The following DYM variants were observed in gnomAD, a reference collection of about 807,000 sequenced individuals.
DYM encodes dymeclin.
A neutral mutation model predicts 93.1 loss-of-function variants in DYM; 78 were observed. That is an observed-to-expected ratio of 0.84 (90% confidence interval 0.70 to 1.01). DYM has a LOEUF of 1.01. Among genes scored for constraint, DYM ranks in the 50% least tolerant of loss-of-function variants. DYM has a pLI of 0.00. For missense variants in DYM, 789 were observed against 845.0 expected (o/e 0.93, Z 0.82); for synonymous variants, 321 against 319.7 (o/e 1.00, Z -0.04).
intron 6 of DYM, among the ~76,000 whole-genome samples, chr18:49,342,244 G>A (rs539314801): frequency 9.9e-4 from 151 of 152,232 alleles, no homozygotes; most frequent in African/African-American, 3.3e-3. Flanking sequence ...TTCCATCTTC[G>A]AAGGAAGCAA....
Position 49,385,693 on chromosome 18 carries a change from C to A in DYM, c.193+5900G>T, listed in dbSNP as rs373542974. 6.5e-4 allele frequency among the ~76,000 whole-genome samples: 96 copies of A among 146,976 alleles called. 3 individuals carry two copies. The highest frequency in any genetic ancestry group is 2.3e-3 in the African/African-American group (91 of 40,264). On this transcript the variant is annotated intron_variant, in intron 3 of 17. Transcript: ENST00000675505. Reference sequence around the variant, plus strand: ...CTGGGCAACAAGAGCAAAACTCTGTCTCAAAAAAAAAAAGAAATCTGATCC... The same window carrying A: ...CTGGGCAACAAGAGCAAAACTCTGTATCAAAAAAAAAAAGAAATCTGATCC...
At position 49,331,907 on chromosome 18, in the gene DYM, C is replaced by A; in HGVS notation, c.720G>T (p.Ser240=). The change falls in exon 8 of 18, where the codon TCG becomes TCT. Residue 240 remains serine, a synonymous_variant. Transcript: ENST00000675505. ...PPGAHVFPQQ[S]DGGGLLYGLA... ...GTCCATAAAGCAGTCCTCCCCCATC[C>A]GACTGCTGAGGGAAAACATGGGCCC... 3 of 1,614,042 alleles carry A rather than the reference C, an allele frequency of 1.9e-6. No individual in the cohort carries two copies. Among genetic ancestry groups the A allele is most frequent in the Non-Finnish European group, 2.5e-6 (3 of 1,179,976 alleles).
intron 13 of DYM, among the ~76,000 whole-genome samples, chr18:49,240,945 C>T (rs968513837): frequency 1.3e-5 from 2 of 152,162 alleles, no homozygotes; most frequent in Non-Finnish European, 2.9e-5. Context: ...TTTTATTTTA[C>T]CACAAATGTG....
chr18:49,432,329 CA>C (rs11429840), intron 1 of DYM, among the ~76,000 whole-genome samples: 7,294 of 75,784 alleles, frequency 0.096, 177 homozygotes, highest in African/African-American at 0.17. Context: ...AAGACTGTCT[CA>C]AAAAAAAAAA....
At chr18:49,426,399 G>T (rs1165194191) in intron 2 of DYM, among the ~76,000 whole-genome samples, 1 of 105,228 alleles carries the variant, frequency 9.5e-6, no homozygotes, top group African/African-American at 3.7e-5. Flanking sequence ...CCTGTTGTGG[G>T]GTGGGGGGAG....
chr18:49,445,009 C>T (rs1442635375), intron 1 of DYM, among the ~76,000 whole-genome samples: 1 of 152,092 alleles, frequency 6.6e-6, no homozygotes, highest in Non-Finnish European at 1.5e-5. Context: ...ATGTTATCCC[C>T]TCTCCTCCAA....
chr18:49,258,503 G>T lies in DYM; in HGVS notation c.1252-10C>A. 1 of 1,498,774 alleles carries T rather than the reference G, an allele frequency of 6.7e-7. No individual in the cohort carries two copies. Among genetic ancestry groups the T allele is most frequent in the Non-Finnish European group, 9.3e-7 (1 of 1,075,782 alleles). 92.8% of individuals were successfully genotyped at this position (1,498,774 alleles called of 1,614,324 possible). ...TAATATTTTTTAGTATCTGTAATGGGGAAGAAAAGTTTAAGTAAAAAATGA... is the reference window on the plus strand; with the variant it reads ...TAATATTTTTTAGTATCTGTAATGGTGAAGAAAAGTTTAAGTAAAAAATGA... On this transcript the variant is annotated splice_polypyrimidine_tract_variant and intron_variant, in intron 11 of 17. Coordinates refer to ENST00000675505, the MANE Select transcript of DYM (RefSeq NM_001353214.3).
chr18:49,334,821 A>G (rs2063547480), intron 6 of DYM, among the ~76,000 whole-genome samples: 1 of 152,186 alleles, frequency 6.6e-6, no homozygotes. Flanking sequence ...AATATGTTTA[A>G]AAGGCCAGGC....
At chr18:49,258,276 A>G in intron 12 of DYM, 104 bp downstream of exon 12, 8 of 773,570 alleles carry the variant, frequency 1.0e-5, no homozygotes, top group South Asian at 8.7e-5. Context: ...ATTTTCTACC[A>G]TATGTCACGA....
chr18:49,288,265 A>C (rs761668101), intron 8 of DYM, among the ~76,000 whole-genome samples: 8 of 152,312 alleles, frequency 5.3e-5, no homozygotes, highest in South Asian at 2.1e-4. Context: ...AACACCACCA[A>C]CAACAATAAA....
chr18:49,058,826 T>A (rs2075717091), intron 17 of DYM, among the ~76,000 whole-genome samples: 1 of 152,182 alleles, frequency 6.6e-6, no homozygotes, highest in Non-Finnish European at 1.5e-5. Flanking sequence ...ATATTTGGGG[T>A]TATTTAGAGC....
intron 8 of DYM, among the ~76,000 whole-genome samples, chr18:49,307,914 C>G (rs1167264932): frequency 2.0e-5 from 3 of 152,192 alleles, no homozygotes; most frequent in Non-Finnish European, 2.9e-5. Flanking sequence ...GTGACCAAGT[C>G]AGGAACTGAA....
chr18:49,348,431 T>C (rs2064799351), intron 6 of DYM, among the ~76,000 whole-genome samples: 1 of 152,166 alleles, frequency 6.6e-6, no homozygotes, highest in Non-Finnish European at 1.5e-5. Context: ...TCCTCATTTA[T>C]AAAAGTCTTA....
chr18:49,425,873 G>A (rs79158666), intron 2 of DYM, among the ~76,000 whole-genome samples: 59,191 of 149,452 alleles, frequency 0.4, 12,277 homozygotes, highest in Middle Eastern at 0.52. Flanking sequence ...TTAGAATGGC[G>A]ATCATTAAAA....
intron 15 of DYM, among the ~76,000 whole-genome samples, chr18:49,130,573 ATT>A (rs34403965): frequency 5.3e-5 from 8 of 151,966 alleles, no homozygotes; most frequent in South Asian, 2.1e-4. Context: ...TACTAAAACA[ATT>A]TTTTTTTTAT....
chr18:49,384,708 C>T (rs1278431959), intron 3 of DYM, among the ~76,000 whole-genome samples: 1 of 148,414 alleles, frequency 6.7e-6, no homozygotes, highest in Non-Finnish European at 1.5e-5. Flanking sequence ...ACTAAAAATG[C>T]AATAACAGCT....
At chr18:49,305,443 A>T (rs901542544) in intron 8 of DYM, among the ~76,000 whole-genome samples, 4 of 152,180 alleles carry the variant, frequency 2.6e-5, no homozygotes, top group Non-Finnish European at 4.4e-5. Flanking sequence ...AACAATCCCT[A>T]ATCTTCATGC....
chr18:49,326,497 A>G lies in DYM; in HGVS notation c.763+5367T>C, dbSNP rs571604942. Among the ~76,000 whole-genome samples, 31 of 152,172 alleles carry G rather than the reference A, an allele frequency of 2.0e-4. No homozygotes were observed. In the East Asian group the frequency reaches 4.8e-3, roughly 24 times the overall value. ...CTTAAAAAAAAAAAACCTAAAATCT[A>G]TAAGTTAATTTCTATTACACTAATT... On this transcript the variant is annotated intron_variant, in intron 8 of 17. Coordinates refer to ENST00000675505, the MANE Select transcript of DYM (RefSeq NM_001353214.3).
At chr18:49,075,922 C>T (rs1199222966) in intron 17 of DYM, among the ~76,000 whole-genome samples, 1 of 152,142 alleles carries the variant, frequency 6.6e-6, no homozygotes, top group Non-Finnish European at 1.5e-5. Context: ...GAGTTTAAAC[C>T]CCATACACTT....
Sources: allele counts gnomAD v4.1 joint callset (sites outside exome capture counted in the v4.1 genomes callset), GRCh38; gene constraint gnomAD v4.1.1; transcripts MANE v1.5; gene names NCBI Gene and HGNC (gene_info 2026-07-23, HGNC 2026-07-21).